ZC3H18: variants seen among roughly 807,000 people sequenced by gnomAD.
ZC3H18 encodes zinc finger CCCH-type containing 18.
A neutral mutation model predicts 106.1 loss-of-function variants in ZC3H18; 8 were observed. That is an observed-to-expected ratio of 0.08 (90% CI 0.04 to 0.14). ZC3H18 has a LOEUF of 0.14. Ranked by LOEUF, ZC3H18 falls within the 10% of genes least tolerant of loss-of-function variation. ZC3H18 has a pLI of 1.00. For missense variants in ZC3H18, 1,318 were observed against 1,278.4 expected, an observed-to-expected ratio of 1.03 and a Z score of -0.47; for synonymous variants, 635 against 522.1, an observed-to-expected ratio of 1.22 and a Z score of -2.95.
intron 2 of ZC3H18, among the ~76,000 whole-genome samples, chr16:88,585,206 G>A (rs1334106076): frequency 1.3e-5 from 2 of 152,164 alleles, no homozygotes; most frequent in Non-Finnish European, 2.9e-5. Flanking sequence ...GATTACTTAA[G>A]GGATATAACT....
chr16:88,627,470 C>T lies in ZC3H18; in HGVS notation c.2109-152C>T, dbSNP rs546214927. The T allele has an allele frequency of 9.3e-7, 1 of 1,073,322 alleles. No homozygotes were observed. Among genetic ancestry groups the T allele is most frequent in the East Asian group, 2.5e-5 (1 of 40,034 alleles). The allele number at this position is 1,073,322 out of a possible 1,614,324, so 66.5% of individuals were successfully genotyped here. A position where few individuals can be genotyped will look rare whatever the true frequency, so the allele number is the denominator to read the frequency against. ...ATGGGGACGTCCCTTACTTTGTAAC[C>T]CTGAAACTGCCCAGTGTCCCCCCAA... On this transcript the variant is annotated intron_variant, in intron 13 of 17. Coordinates refer to ENST00000301011, the MANE Select transcript of ZC3H18 (RefSeq NM_144604.4). This position sits in a 1 kb window ranked among gnomAD's most constrained non-coding sequence, Gnocchi z 4.5.
Position 88,599,844 on chromosome 16 carries a change from A to G in ZC3H18, c.984A>G (p.Lys328=), listed in dbSNP as rs1337814025. The change falls in exon 6 of 18, where the codon AAA becomes AAG. Residue 328 remains lysine (K), a synonymous_variant. Transcript: ENST00000301011. Reference sequence around the variant, plus strand: ...AACAGGAGCCTGATTTTGAAGAGAAAAGGTTTACGGTGACCATTGGCGAAG... The same window carrying G: ...AACAGGAGCCTGATTTTGAAGAGAAGAGGTTTACGGTGACCATTGGCGAAG... The part of the protein sequence containing the change: ...RKEQEPDFEE[K]RFTVTIGEDE... The G allele has an allele frequency of 3.5e-5, 57 of 1,614,044 alleles. No homozygotes were observed. In the Admixed American group the frequency reaches 9.0e-4, roughly 25 times the overall value.
intron 1 of ZC3H18, among the ~76,000 whole-genome samples, chr16:88,576,450 G>T (rs1329489026): frequency 1.3e-5 from 2 of 152,204 alleles, no homozygotes; most frequent in South Asian, 4.1e-4. Flanking sequence ...ACTTAGGAGT[G>T]TGAGTTGCTG....
Position 88,599,865 on chromosome 16 carries a change from C to G in ZC3H18, c.1005C>G (p.Gly335=). 6.2e-7 allele frequency: 1 copy of G among 1,614,168 alleles called. No individual in the cohort carries two copies. The highest frequency in any genetic ancestry group is 8.5e-7 in the Non-Finnish European group (1 of 1,180,032). Residue 335 remains glycine (G), a synonymous_variant, in exon 6 of 18, where the codon GGC becomes GGG. Coordinates refer to ENST00000301011, the MANE Select transcript of ZC3H18 (RefSeq NM_144604.4). ...AGAAAAGGTTTACGGTGACCATTGG[C>G]GAAGACGAACGGGAATTTGACAAAG... ...FEEKRFTVTI[G]EDEREFDKEN...
chr16:88,604,227 C>T (rs949234671), intron 6 of ZC3H18, among the ~76,000 whole-genome samples: 2 of 152,086 alleles, frequency 1.3e-5, no homozygotes, highest in African/African-American at 2.4e-5. Context: ...TGGCACGCAC[C>T]TGTAGTCCCA....
intron 6 of ZC3H18, among the ~76,000 whole-genome samples, chr16:88,607,552 CA>C (rs1360236437): frequency 3.9e-5 from 6 of 152,034 alleles, no homozygotes; most frequent in African/African-American, 1.5e-4. Flanking sequence ...TGTCAGGTTT[CA>C]AAACCCCCAT....
At chr16:88,591,198 C>A (rs1915730932) in intron 3 of ZC3H18, among the ~76,000 whole-genome samples, 1 of 151,848 alleles carries the variant, frequency 6.6e-6, no homozygotes, top group African/African-American at 2.4e-5. Flanking sequence ...TCCCGATCTC[C>A]TGACCTCGTG....
At chr16:88,599,188 C>T (rs1904614142) in intron 5 of ZC3H18, among the ~76,000 whole-genome samples, 1 of 152,172 alleles carries the variant, frequency 6.6e-6, no homozygotes. Flanking sequence ...TCACAGAAAG[C>T]CTGGCGAGGC....
chr16:88,574,375 A>G (rs1361277803), intron 1 of ZC3H18, among the ~76,000 whole-genome samples: 2 of 151,074 alleles, frequency 1.3e-5, no homozygotes, highest in African/African-American at 4.9e-5. Context: ...ATGCCCAGCT[A>G]ATTTTTGTAT....
At chr16:88,622,140 G>T (rs910758158) in intron 8 of ZC3H18, 57 bp from the exon 9 acceptor site, 1 of 1,545,126 alleles carries the variant, frequency 6.5e-7, no homozygotes, top group African/African-American at 1.4e-5. Flanking sequence ...TGTCACACCT[G>T]GCATTGCTGT....
chr16:88,576,690 C>T (rs765369837), intron 1 of ZC3H18, among the ~76,000 whole-genome samples: 3 of 152,192 alleles, frequency 2.0e-5, no homozygotes, highest in South Asian at 2.1e-4. Context: ...AGATCTGGGC[C>T]TGCAGTTTTG....
intron 8 of ZC3H18, among the ~76,000 whole-genome samples, chr16:88,618,258 C>T (rs1487678452): frequency 4.0e-5 from 6 of 151,518 alleles, no homozygotes; most frequent in East Asian, 3.9e-4. Flanking sequence ...TTTTCTGTTA[C>T]GTTTTAAGGG....
intron 3 of ZC3H18, among the ~76,000 whole-genome samples, chr16:88,596,257 T>C (rs1440775196): frequency 1.3e-5 from 2 of 152,198 alleles, no homozygotes; most frequent in East Asian, 3.8e-4. Context: ...TTTTTGATAG[T>C]AGGTTCGTAG....
rs1006239422 is a variant in ZC3H18 at position 88,591,734 on chromosome 16, C to A, written c.688+5050C>A. 3.9e-5 allele frequency among the ~76,000 whole-genome samples: 6 copies of A among 152,262 alleles called. No homozygotes were observed. The East Asian group carries it at 9.6e-4, about 24-fold the overall frequency. ...TAAAAATCTCTTCAGACCCTGCTTTCAGCTCTTTCGCATGTGCCTGGCAGT... is the reference window on the plus strand; with the variant it reads ...TAAAAATCTCTTCAGACCCTGCTTTAAGCTCTTTCGCATGTGCCTGGCAGT... On this transcript the variant is annotated intron_variant, in intron 3 of 17. Transcript: ENST00000301011.
chr16:88,619,942 C>T (rs916959821), intron 8 of ZC3H18, among the ~76,000 whole-genome samples: 2 of 152,166 alleles, frequency 1.3e-5, no homozygotes, highest in East Asian at 1.9e-4. Flanking sequence ...GATCATCAGA[C>T]AGGTGTTTAC....
intron 1 of ZC3H18, among the ~76,000 whole-genome samples, chr16:88,571,072 G>T (rs1914374532): frequency 6.6e-6 from 1 of 152,188 alleles, no homozygotes; most frequent in African/African-American, 2.4e-5. Context: ...GACGCGCGCC[G>T]GTCTCTTAGG....
chr16:88,631,463 C>T lies in ZC3H18; in HGVS notation c.*164C>T, dbSNP rs956183353. 3.1e-5 allele frequency: 29 copies of T among 941,486 alleles called. No individual in the cohort carries two copies. The highest frequency in any genetic ancestry group is 2.1e-4 in the Admixed American group (9 of 42,004). The allele number at this position is 941,486 out of a possible 1,614,324, so 58.3% of individuals were successfully genotyped here. A position where few individuals can be genotyped will look rare whatever the true frequency, so the allele number is the denominator to read the frequency against. ...GAAGCCACACAGGAAATGACAACGA[C>T]GCTGAATCCCAGCCTCCCTCCCCAG... On this transcript the variant is annotated 3_prime_UTR_variant, in exon 18 of 18. Transcript: ENST00000301011.
rs539918564 is a variant in ZC3H18, at chr16:88,579,014, T to C, written c.603+1288T>C. Among the ~76,000 whole-genome samples the C allele has an allele frequency of 3.9e-5, 6 of 152,262 alleles. No individual in the cohort carries two copies. The East Asian group carries it at 7.7e-4, about 20-fold the overall frequency. On this transcript the variant is annotated intron_variant, in intron 2 of 17. Coordinates refer to ENST00000301011, the MANE Select transcript of ZC3H18 (RefSeq NM_144604.4). ...GTGCCATGCTTCTCCAGTAGCATGC[T>C]GGCGTGCGTGCTCTCAATGCACGTT...
chr16:88,609,011 G>T lies in ZC3H18; in HGVS notation c.1166G>T (p.Arg389Met). The change falls in exon 7 of 18, where the codon AGG becomes ATG. Residue 389 changes from arginine (R) to methionine (M), a missense_variant. By Grantham distance (91) the Arg-to-Met change is moderately conservative (BLOSUM62 -1). Around this residue, in one of 6 missense-constraint regions of ZC3H18, gnomAD observed 848 missense variants for 821.7 expected, o/e 1.03. Coordinates refer to ENST00000301011, the MANE Select transcript of ZC3H18 (RefSeq NM_144604.4). ...CGTGGCGGACAGTATGAGAATTTCA[G>T]GGTGCAGTATACAGAAACAGAGCCG... The part of the protein sequence containing the change: ...FWRGGQYENF[R>M]VQYTETEPYH... 1 of 1,613,888 alleles carries T rather than the reference G, an allele frequency of 6.2e-7. No homozygotes were observed. Among genetic ancestry groups the T allele is most frequent in the Non-Finnish European group, 8.5e-7 (1 of 1,179,844 alleles).
Sources: gnomAD v4.1 joint callset for allele counts (sites outside exome capture counted in the v4.1 genomes callset) on GRCh38, gnomAD v4.1.1 for gene constraint, gnomAD v4.1.1 regional missense constraint, Gnocchi (gnomAD v3.1) non-coding constraint, MANE v1.5 for transcripts, NCBI Gene and HGNC (gene_info 2026-07-23, HGNC 2026-07-21) for gene names.